Variants in FAAP20 observed in about 807,000 individuals in gnomAD.
FAAP20 encodes Fanconi anemia core complex-associated protein 20.
In FAAP20, 12 loss-of-function variants were observed where a neutral mutation model predicts 16.2. The observed-to-expected ratio is 0.74, with a 90% confidence interval of 0.48 to 1.20. FAAP20 has a LOEUF of 1.20. FAAP20 is among the 50% of genes most tolerant of loss of function. The pLI is 0.00. For missense variants in FAAP20, 288 were observed against 245.8 expected (o/e 1.17, Z -1.15); for synonymous variants, 141 against 110.7 (o/e 1.27, Z -1.72).
chr1:2,193,561 A>G, intron 3 of FAAP20, 78 bp downstream of exon 3: 1 of 1,548,486 alleles, frequency 6.5e-7, no homozygotes, highest in South Asian at 1.2e-5. Flanking sequence ...GAGCTCGGCC[A>G]CCTCTTGACC....
At chr1:2,209,268 A>G (rs996456037), downstream of FAAP20, among the ~76,000 whole-genome samples, 2 of 151,792 alleles carry the variant, frequency 1.3e-5, no homozygotes, top group East Asian at 1.9e-4. Flanking sequence ...TCCCACACCC[A>G]TTTTAGGGCT....
At chr1:2,208,094 G>A, downstream of FAAP20, among the ~76,000 whole-genome samples, 1 of 152,174 alleles carries the variant, frequency 6.6e-6, no homozygotes, top group East Asian at 1.9e-4. Context: ...TTTCTGCAGG[G>A]GAAACTGAGG....
chr1:2,184,740 C>T, downstream of FAAP20: 1 of 1,571,780 alleles, frequency 6.4e-7, no homozygotes, highest in African/African-American at 1.4e-5. Context: ...ACCCCTCGGG[C>T]AGCCCCATGG....
rs1319501397 is a variant in FAAP20, at chr1:2,189,622, T to G, written c.*87A>C. 1 of 1,011,304 alleles carries G rather than the reference T, an allele frequency of 9.9e-7. No individual in the cohort carries two copies. The highest frequency in any genetic ancestry group is 1.5e-6 in the Non-Finnish European group (1 of 687,494). 62.6% of individuals were successfully genotyped at this position (1,011,304 alleles called of 1,614,324 possible). On this transcript the variant is annotated 3_prime_UTR_variant, in exon 4 of 4. Transcript: ENST00000378546. ...ATGCGGGGGAGCCGAGAGGCGGGGC[T>G]GCTGGCGGGGGAGCCGAGAGGCGGG... is the stretch of plus-strand genomic sequence containing the variant.
chr1:2,207,958 G>A (rs1055391965), downstream of FAAP20, among the ~76,000 whole-genome samples: 11 of 150,992 alleles, frequency 7.3e-5, no homozygotes, highest in Non-Finnish European at 1.5e-4. Flanking sequence ...GTGTGTGTCC[G>A]TGCGCGCGCG....
chr1:2,208,127 T>TG (rs1006672639), downstream of FAAP20, among the ~76,000 whole-genome samples: 12 of 152,070 alleles, frequency 7.9e-5, no homozygotes, highest in African/African-American at 2.2e-4. Context: ...AGCCCCTGCC[T>TG]GGGGGGGTGA....
At chr1:2,210,517 C>T (rs754574958), downstream of FAAP20, among the ~76,000 whole-genome samples, 11 of 152,142 alleles carry the variant, frequency 7.2e-5, no homozygotes, top group Non-Finnish European at 1.5e-4. Context: ...TAGTCACAGG[C>T]TCTGCTTCGG....
At chr1:2,196,621 C>T (rs1279159192), upstream of FAAP20, among the ~76,000 whole-genome samples, 1 of 151,790 alleles carries the variant, frequency 6.6e-6, no homozygotes, top group Non-Finnish European at 1.5e-5. The surrounding 1 kb of genome is among the most constrained non-coding windows in gnomAD (Gnocchi z 4.5). Flanking sequence ...GGGAGGATCA[C>T]TTGAGGCCAG....
At chr1:2,194,239 C>G in intron 1 of FAAP20, 106 bp from the exon 2 acceptor site, 1 of 1,432,408 alleles carries the variant, frequency 7.0e-7, no homozygotes, top group Non-Finnish European at 9.3e-7. Context: ...ATGGGGGGTA[C>G]TAGAGGGAAA....
At position 2,193,532 on chromosome 1, in the gene FAAP20, G is replaced by A. The variant is rs570717860; in HGVS notation, c.470+107C>T. On this transcript the variant is annotated intron_variant, in intron 3 of 3. Coordinates refer to ENST00000378546, the MANE Select transcript of FAAP20 (RefSeq NM_182533.4). ...GGGCCACCTTTCCAGTGTGAAACAGGGCTTTAAAAGCCAGCGCTGAGCTCG... is the reference window on the plus strand; with the variant it reads ...GGGCCACCTTTCCAGTGTGAAACAGAGCTTTAAAAGCCAGCGCTGAGCTCG... 47 of 1,490,944 alleles carry A rather than the reference G, an allele frequency of 3.2e-5. 3 individuals carry two copies. In the South Asian group the frequency reaches 5.5e-4, roughly 17 times the overall value. 92.4% of individuals were successfully genotyped at this position (1,490,944 alleles called of 1,614,324 possible). A position where few individuals can be genotyped will look rare whatever the true frequency, so the allele number is the denominator to read the frequency against.
chr1:2,190,231 G>C (rs1200273299), intron 3 of FAAP20: 1 of 458,840 alleles, frequency 2.2e-6, no homozygotes, highest in Non-Finnish European at 4.4e-6. Context: ...GCTCACGTCA[G>C]AGAATTGGTG....
chr1:2,194,542 C>CGGGGTGGGGCGACGGGCGTG, intron 1 of FAAP20, 146 bp downstream of exon 1: 1 of 81,536 alleles, frequency 1.2e-5, no homozygotes, highest in Non-Finnish European at 1.5e-5. Flanking sequence ...AATGGCGGCG[C>CGGGGTGGGGCGACGGGCGTG]GGGGTGGGGC....
chr1:2,189,939 G>A, intron 3 of FAAP20, 158 bp from the exon 4 acceptor site: 1 of 660,200 alleles, frequency 1.5e-6, no homozygotes, highest in Non-Finnish European at 2.8e-6. Context: ...CATGCACCCG[G>A]CAGACCACGG....
downstream of FAAP20, among the ~76,000 whole-genome samples, chr1:2,211,417 ATATATATATATATATATATTTTT>A (rs1485704618): frequency 6.4e-5 from 1 of 15,742 alleles, no homozygotes; most frequent in African/African-American, 4.9e-4. Context: ...ATATATATAT[ATATATATATATATATATATTTTT>A]TTTTTTTTTT....
At chr1:2,192,879 C>T (rs934176205) in intron 3 of FAAP20, 9 of 1,298,060 alleles carry the variant, frequency 6.9e-6, no homozygotes, top group South Asian at 1.2e-5. Context: ...GGATTACAGG[C>T]GTGAGCCACC....
chr1:2,187,067 A>G, downstream of FAAP20: 1 of 383,258 alleles, frequency 2.6e-6, no homozygotes, highest in Non-Finnish European at 5.5e-6. Context: ...AACTCTGGTG[A>G]CTTGGGGGCT....
In FAAP20 at chr1:2,189,784, GC is replaced by G; in HGVS notation, c.471-4del. On this transcript the variant is annotated splice_region_variant and splice_polypyrimidine_tract_variant and intron_variant, in intron 3 of 3. Coordinates refer to ENST00000378546, the MANE Select transcript of FAAP20 (RefSeq NM_182533.4). ...TGTCAACATCCAGCTGGGTCAGCCT[GC>G]AAGGGAGGGGCCACACTCACTCGGC... 1 of 1,610,106 alleles carries G rather than the reference GC, an allele frequency of 6.2e-7. No individual in the cohort carries two copies. The highest frequency in any genetic ancestry group is 2.2e-5 in the East Asian group (1 of 44,846).
At chr1:2,185,071 C>T (rs11553733), downstream of FAAP20, 3,642 of 1,456,008 alleles carry the variant, frequency 2.5e-3, 7 homozygotes, top group Non-Finnish European at 3.2e-3. Flanking sequence ...CCTTAACCAC[C>T]GCATATGCAT....
At chr1:2,186,838 C>T (rs961332015), downstream of FAAP20, 3 of 166,072 alleles carry the variant, frequency 1.8e-5, no homozygotes, top group Admixed American at 6.2e-5. Flanking sequence ...AGGCACTTAC[C>T]TAAATACTGC....
Sources: gnomAD v4.1 joint callset for allele counts (sites outside exome capture counted in the v4.1 genomes callset) on GRCh38, gnomAD v4.1.1 for gene constraint, Gnocchi (gnomAD v3.1) non-coding constraint, MANE v1.5 for transcripts, NCBI Gene and HGNC (gene_info 2026-07-23, HGNC 2026-07-21) for gene names.